MCU: variants seen among roughly 807,000 people sequenced by gnomAD.
The protein encoded by MCU is calcium uniporter protein, mitochondrial.
In MCU, 12 loss-of-function variants were observed where a neutral mutation model predicts 45.2. The ratio of observed to expected loss-of-function variants is 0.27; its 90% CI spans 0.17 to 0.43. The LOEUF (loss-of-function observed/expected upper bound fraction) is 0.43, where lower values mean the gene tolerates loss of function less well. MCU is among the 20% of genes least tolerant of loss of function. MCU has a pLI of 1.00. For synonymous variants in MCU, 160 were observed against 165.1 expected, an observed-to-expected ratio of 0.97 and a Z score of 0.24; for missense variants, 324 against 436.7, an observed-to-expected ratio of 0.74 and a Z score of 2.30.
intron 1 of MCU, among the ~76,000 whole-genome samples, chr10:72,802,754 A>G (rs1390039465): frequency 6.6e-6 from 1 of 152,214 alleles, no homozygotes; most frequent in Non-Finnish European, 1.5e-5. Flanking sequence ...CTTTATTTGA[A>G]CACTAAAACA....
chr10:72,871,324 C>A (rs1845539429), intron 5 of MCU, 53 bp from the exon 6 acceptor site: 1 of 1,550,206 alleles, frequency 6.5e-7, no homozygotes, highest in South Asian at 1.1e-5. Flanking sequence ...CAGTTTAAGC[C>A]TTTTTAGATT....
chr10:72,835,583 C>T (rs1351293463), intron 2 of MCU, among the ~76,000 whole-genome samples: 1 of 152,116 alleles, frequency 6.6e-6, no homozygotes, highest in Non-Finnish European at 1.5e-5. Flanking sequence ...ATCAGAATCA[C>T]CTCCCAAAGC....
At chr10:72,692,647 C>A (rs1842637705) in intron 1 of MCU, 6 of 1,158,656 alleles carry the variant, frequency 5.2e-6, no homozygotes, top group Non-Finnish European at 6.4e-6. Flanking sequence ...TGCCCCAAGG[C>A]TCCCTGAACG....
At chr10:72,724,970 A>AT (rs894461944) in intron 1 of MCU, among the ~76,000 whole-genome samples, 4 of 152,038 alleles carry the variant, frequency 2.6e-5, no homozygotes, top group Middle Eastern at 3.2e-3. Flanking sequence ...TTTATTTTTT[A>AT]TTTTTTTGAA....
At chr10:72,843,722 A>G (rs1845079695) in intron 2 of MCU, among the ~76,000 whole-genome samples, 1 of 152,182 alleles carries the variant, frequency 6.6e-6, no homozygotes, top group South Asian at 2.1e-4. Context: ...CAAACCGTCT[A>G]CCAAAGTGGT....
At chr10:72,765,086 T>TA (rs529761895) in intron 1 of MCU, among the ~76,000 whole-genome samples, 5,382 of 123,474 alleles carry the variant, frequency 0.044, 150 homozygotes, top group African/African-American at 0.091. Context: ...CCCCATCTCT[T>TA]AAAAAAAAAA....
At chr10:72,863,195 C>G (rs1845405834) in intron 4 of MCU, among the ~76,000 whole-genome samples, 1 of 152,110 alleles carries the variant, frequency 6.6e-6, no homozygotes, top group Non-Finnish European at 1.5e-5. Context: ...TTGACTCTTC[C>G]AATAAGCCTT....
In MCU at chr10:72,860,426, G is replaced by A; in HGVS notation, c.395G>A (p.Gly132Asp). Reference protein sequence around the residue: ...IDRVAIYSPDGVRVAASTGID... With the variant: ...IDRVAIYSPDDVRVAASTGID... Reference sequence around the variant, plus strand: ...GTTTCATTTGAAATTTTCACAGATGGTGTTCGCGTTGCTGCTTCAACAGGA... The same window carrying A: ...GTTTCATTTGAAATTTTCACAGATGATGTTCGCGTTGCTGCTTCAACAGGA... The change falls in exon 4 of 8, where the codon GGT (glycine) becomes GAT (aspartate). Residue 132 changes from glycine to aspartate, a missense_variant. Gly to Asp is a moderately conservative substitution (Grantham distance 94). Around this residue, in one of 4 missense-constraint regions of MCU, gnomAD observed 135 missense variants for 207.3 expected, o/e 0.65. Coordinates refer to ENST00000373053, the MANE Select transcript of MCU (RefSeq NM_138357.3). 6.2e-7 allele frequency: 1 copy of A among 1,613,250 alleles called. No homozygotes were observed. Among genetic ancestry groups the A allele is most frequent in the South Asian group, 1.1e-5 (1 of 91,058 alleles).
chr10:72,749,942 CTTT>C (rs761722638), intron 1 of MCU, among the ~76,000 whole-genome samples: 2 of 139,232 alleles, frequency 1.4e-5, no homozygotes. Context: ...AATTTTTGTA[CTTT>C]TTTTTTTTTT....
intron 1 of MCU, among the ~76,000 whole-genome samples, chr10:72,720,389 G>A (rs545102525): frequency 1.4e-4 from 21 of 152,286 alleles, no homozygotes; most frequent in African/African-American, 4.8e-4. Flanking sequence ...CTTCCCAGTT[G>A]TAACCTCTGT....
Position 72,775,036 on chromosome 10 carries a change from T to C in MCU, c.151-59323T>C, listed in dbSNP as rs180927118. Among the ~76,000 whole-genome samples the C allele has an allele frequency of 3.9e-4, 60 of 152,170 alleles. 1 individual carries two copies. Among genetic ancestry groups the C allele is most frequent in the African/African-American group, 1.4e-3 (57 of 41,534 alleles). On this transcript the variant is annotated intron_variant, in intron 1 of 7. Transcript: ENST00000373053. ...GAAACATCTGAGTTAAACTACACAC[T>C]AGATCTAATAGACTTGATATTTACA...
At chr10:72,833,082 A>G (rs1421773444) in intron 1 of MCU, among the ~76,000 whole-genome samples, 1 of 152,174 alleles carries the variant, frequency 6.6e-6, no homozygotes, top group African/African-American at 2.4e-5. Flanking sequence ...TAAGACTAGA[A>G]TGTTAGTTAA....
At chr10:72,759,698 A>C (rs573235760) in intron 1 of MCU, among the ~76,000 whole-genome samples, 61 of 152,312 alleles carry the variant, frequency 4.0e-4, no homozygotes, top group African/African-American at 1.5e-3. Context: ...GTTGAAGCCT[A>C]ACCCTCAATG....
intron 4 of MCU, chr10:72,861,626 C>T: frequency 2.7e-6 from 1 of 366,800 alleles, no homozygotes; most frequent in South Asian, 2.1e-5. Context: ...TGATTACAGG[C>T]ATGAGCCACT....
At chr10:72,870,370 C>G (rs574784855) in intron 5 of MCU, among the ~76,000 whole-genome samples, 4 of 152,300 alleles carry the variant, frequency 2.6e-5, no homozygotes, top group African/African-American at 7.2e-5. Flanking sequence ...GCTCCACCTC[C>G]CGGGTTCACG....
chr10:72,706,680 G>T (rs1397793844), intron 1 of MCU, among the ~76,000 whole-genome samples: 1 of 151,738 alleles, frequency 6.6e-6, no homozygotes, highest in African/African-American at 2.4e-5. Flanking sequence ...GGGACTACAG[G>T]CGTGCGCCAC....
At chr10:72,768,965 C>T (rs1479178011) in intron 1 of MCU, among the ~76,000 whole-genome samples, 2 of 152,074 alleles carry the variant, frequency 1.3e-5, no homozygotes, top group African/African-American at 2.4e-5. Context: ...GATCCTCCTG[C>T]CTCAGCCTCC....
Position 72,714,193 on chromosome 10 carries a change from C to T in MCU, c.150+21892C>T, listed in dbSNP as rs559722396. On this transcript the variant is annotated intron_variant, in intron 1 of 7. Coordinates refer to ENST00000373053, the MANE Select transcript of MCU (RefSeq NM_138357.3). ...TGTTGGCCAGGCTGGTCTCGAACTC[C>T]TGACCTCATGATTTGCCCACCGCGG... is the stretch of plus-strand genomic sequence containing the variant. 6.6e-5 allele frequency among the ~76,000 whole-genome samples: 10 copies of T among 151,696 alleles called. No homozygotes were observed. In the East Asian group the frequency reaches 1.7e-3, roughly 26 times the overall value.
intron 1 of MCU, among the ~76,000 whole-genome samples, chr10:72,827,412 C>A (rs1290901488): frequency 2.6e-5 from 4 of 152,052 alleles, no homozygotes; most frequent in South Asian, 2.1e-4. Flanking sequence ...TATTCTGTAT[C>A]AAAAAATGCT....
Sources: allele counts gnomAD v4.1 joint callset (sites outside exome capture counted in the v4.1 genomes callset), GRCh38; gene constraint gnomAD v4.1.1; regional missense constraint gnomAD v4.1.1; transcripts MANE v1.5; gene names NCBI Gene and HGNC (gene_info 2026-07-23, HGNC 2026-07-21).